The following CHD2 variants were observed in gnomAD, a reference collection of about 807,000 sequenced individuals.
The protein encoded by CHD2 is ATP-dependent chromatin remodeler CHD2.
In CHD2, 28 loss-of-function variants were observed where a neutral mutation model predicts 243.9. That is an observed-to-expected ratio of 0.11 (90% CI 0.09 to 0.16). CHD2 has a LOEUF of 0.16. Ranked by LOEUF, CHD2 falls within the 10% of genes least tolerant of loss-of-function variation. The pLI, the probability that CHD2 is intolerant of heterozygous loss-of-function variation, is 1.00. For missense variants in CHD2, 1,386 were observed against 2,209.8 expected, an observed-to-expected ratio of 0.63 and a Z score of 7.47; for synonymous variants, 775 against 779.0, an observed-to-expected ratio of 0.99 and a Z score of 0.09.
chr15:92,941,694 G>T, intron 7 of CHD2, 128 bp from the exon 8 acceptor site: 1 of 893,098 alleles, frequency 1.1e-6, no homozygotes, highest in Non-Finnish European at 1.7e-6. Flanking sequence ...ACTGTAAATG[G>T]CAGATCTATA....
Position 93,020,178 on chromosome 15 carries a change from C to A in CHD2, c.5073C>A (p.Pro1691=). Residue 1691 remains proline, a synonymous_variant, in exon 38 of 39, where the codon CCC becomes CCA. Coordinates refer to ENST00000394196, the MANE Select transcript of CHD2 (RefSeq NM_001271.4). ...MDAHRSGSYR[P]NNMSRKRPYD... is the part of the protein sequence containing the mutation. ...CCCACCGTTCCGGAAGCTATCGACCCAACAACATGTCCAGAAAGAGGCCTT... is the reference window on the plus strand; with the variant it reads ...CCCACCGTTCCGGAAGCTATCGACCAAACAACATGTCCAGAAAGAGGCCTT... The A allele has an allele frequency of 6.2e-7, 1 of 1,614,062 alleles. No homozygotes were observed. The highest frequency in any genetic ancestry group is 1.6e-4 in the Middle Eastern group (1 of 6,062).
chr15:92,952,511 T>C (rs1322973862), intron 13 of CHD2, among the ~76,000 whole-genome samples: 2 of 152,138 alleles, frequency 1.3e-5, no homozygotes, highest in Non-Finnish European at 2.9e-5. Flanking sequence ...AGGCATTAGG[T>C]TCTCATAAGG....
chr15:92,971,436 AATGT>A (rs749732999), intron 17 of CHD2, among the ~76,000 whole-genome samples: 66 of 152,170 alleles, frequency 4.3e-4, no homozygotes, highest in South Asian at 1.7e-3. Flanking sequence ...AAATATGTAA[AATGT>A]ATGTATGTAT....
At chr15:93,019,871 T>G (rs2054511017) in intron 37 of CHD2, 141 bp from the exon 38 acceptor site, 3 of 980,788 alleles carry the variant, frequency 3.1e-6, no homozygotes, top group Non-Finnish European at 4.4e-6. Context: ...AGATGGAGAT[T>G]GCAGTGATCT....
rs551311801 is a variant in CHD2, at chr15:92,952,083, C to A, written c.1503-1274C>A. Among the ~76,000 whole-genome samples, 12 of 152,288 alleles carry A rather than the reference C, an allele frequency of 7.9e-5. 1 individual carries two copies. The highest frequency in any genetic ancestry group is 1.9e-4 in the African/African-American group (8 of 41,566). ...ATAATGTTTGCAATCTGATGTCTTA[C>A]ATGTAATCCTAATTTCCTGCCAAAA... On this transcript the variant is annotated intron_variant, in intron 13 of 38. Transcript: ENST00000394196.
rs878958258 is a variant in CHD2, at chr15:92,985,861, A to G, written c.3413+188A>G. Among the ~76,000 whole-genome samples, 3 of 152,156 alleles carry G rather than the reference A, an allele frequency of 2.0e-5. No individual in the cohort carries two copies. The South Asian group carries it at 6.2e-4, about 32-fold the overall frequency. On this transcript the variant is annotated intron_variant, in intron 26 of 38. Coordinates refer to ENST00000394196, the MANE Select transcript of CHD2 (RefSeq NM_001271.4). Reference sequence around the variant, plus strand: ...TTCTCCAAGGTTTCTTTCTGTTGAGATCACTTTTATTTGTTGTTCATCTCT... The same window carrying G: ...TTCTCCAAGGTTTCTTTCTGTTGAGGTCACTTTTATTTGTTGTTCATCTCT...
chr15:92,965,564 CCAAAAAAAAAA>C (rs2053748373), intron 16 of CHD2, among the ~76,000 whole-genome samples: 1 of 33,824 alleles, frequency 3.0e-5, no homozygotes, highest in Non-Finnish European at 6.3e-5. Context: ...GACTCTTTCT[CCAAAAAAAAAA>C]AAAAAAAAAA....
intron 2 of CHD2, among the ~76,000 whole-genome samples, chr15:92,907,911 C>G (rs1596365456): frequency 6.6e-6 from 1 of 152,072 alleles, no homozygotes; most frequent in East Asian, 1.9e-4. Flanking sequence ...TTTGTTTAGG[C>G]CAGTTACAGG....
intron 8 of CHD2, 46 bp from the exon 9 acceptor site, chr15:92,942,797 T>A (rs1027559786): frequency 1.4e-6 from 2 of 1,440,252 alleles, no homozygotes; most frequent in African/African-American, 1.4e-5. Flanking sequence ...CTTTTTAATA[T>A]CTGGTGTAAT....
rs375006928 is a variant in CHD2, at chr15:92,972,232, A to G, written c.2353-33A>G. On this transcript the variant is annotated intron_variant, in intron 18 of 38. Coordinates refer to ENST00000394196, the MANE Select transcript of CHD2 (RefSeq NM_001271.4). ...AGGGAAGATTAAAATTTGTGTTTCA[A>G]CATAATTATTGGAATGTCTTTTAAA... 7.5e-6 allele frequency: 12 copies of G among 1,592,568 alleles called. No homozygotes were observed. In the African/African-American group the frequency reaches 1.4e-4, roughly 18 times the overall value.
rs892014201 is a variant in CHD2, at chr15:93,026,939, C to G, written c.*2234C>G. 6.6e-6 allele frequency: 1 copy of G among 152,588 alleles called. No individual in the cohort carries two copies. Among genetic ancestry groups the G allele is most frequent in the African/African-American group, 2.4e-5 (1 of 41,416 alleles). The allele number at this position is 152,588 out of a possible 1,614,324, so 9.5% of individuals were successfully genotyped here. ...TCATCAGGGCTTCTCTCTTGAGTTG[C>G]TGATAGGAGATGTGAGTTATGCCCA... On this transcript the variant is annotated 3_prime_UTR_variant, in exon 39 of 39. Transcript: ENST00000394196.
At chr15:92,974,053 C>T (rs998810759) in intron 19 of CHD2, 2 of 152,152 alleles carry the variant, frequency 1.3e-5, no homozygotes. Flanking sequence ...TTAGTTTTGC[C>T]TTCTGTAAAA....
rs1330231028 is a variant in CHD2 at position 92,900,773 on chromosome 15, A to AT, written c.-118dup. ...TATTTTTAATTATTTGGGATCTGATATTTTTCTACTAGTAGATAGGACTCT... is the reference window on the plus strand; with the variant it reads ...TATTTTTAATTATTTGGGATCTGATATTTTTTCTACTAGTAGATAGGACTCT... On this transcript the variant is annotated 5_prime_UTR_variant, in exon 1 of 39. Transcript: ENST00000394196. The AT allele has an allele frequency of 5.3e-5, 21 of 395,334 alleles. No individual in the cohort carries two copies. The highest frequency in any genetic ancestry group is 6.4e-4 in the Middle Eastern group (1 of 1,568). 24.5% of individuals were successfully genotyped at this position (395,334 alleles called of 1,614,324 possible).
In CHD2 at chr15:93,025,311, G is replaced by T. The variant is rs2054578288; in HGVS notation, c.*606G>T. 6.5e-6 allele frequency: 1 copy of T among 152,924 alleles called. No individual in the cohort carries two copies. The highest frequency in any genetic ancestry group is 6.5e-5 in the Admixed American group (1 of 15,288). The allele number at this position is 152,924 out of a possible 1,614,324, so 9.5% of individuals were successfully genotyped here. ...CGGCCTCATTATGTGAAACCTGTGG[G>T]TGGGGTTGGGGTGGAGAAGTAGAGA... On this transcript the variant is annotated 3_prime_UTR_variant, in exon 39 of 39. Transcript: ENST00000394196.
rs74568945 is a variant in CHD2 at position 92,955,353 on chromosome 15, A to G, written c.1720-70A>G. 4,853 of 870,100 alleles carry G rather than the reference A, an allele frequency of 5.6e-3. 197 individuals are homozygous for G. The African/African-American group carries it at 0.077, about 14-fold the overall frequency. The allele number at this position is 870,100 out of a possible 1,614,324, so 53.9% of individuals were successfully genotyped here. A position where few individuals can be genotyped will look rare whatever the true frequency, so the allele number is the denominator to read the frequency against. ...TATTTGGCATGTTTCTATTACATCA[A>G]TCACAAAACTTATGTGATATAGAAA... is the stretch of plus-strand genomic sequence containing the variant. On this transcript the variant is annotated intron_variant, in intron 14 of 38. Transcript: ENST00000394196.
intron 25 of CHD2, 86 bp from the exon 26 acceptor site, chr15:92,985,412 A>G (rs2054029823): frequency 2.2e-6 from 3 of 1,339,554 alleles, no homozygotes; most frequent in Non-Finnish European, 3.0e-6. Context: ...TCTGAATACT[A>G]AAGAATTAAG....
intron 2 of CHD2, among the ~76,000 whole-genome samples, chr15:92,917,006 C>T (rs2052851488): frequency 2.0e-5 from 3 of 152,152 alleles, no homozygotes; most frequent in Admixed American, 6.5e-5. Flanking sequence ...AGTTTATTGG[C>T]CATTTCAGTT....
chr15:92,993,587 G>T (rs1484155465), intron 28 of CHD2, among the ~76,000 whole-genome samples: 4 of 107,928 alleles, frequency 3.7e-5, no homozygotes, highest in Non-Finnish European at 8.3e-5. Context: ...GTATAGGAAT[G>T]CTTGTGAGGA....
chr15:92,993,931 C>T (rs572678192), intron 28 of CHD2, among the ~76,000 whole-genome samples: 3 of 152,152 alleles, frequency 2.0e-5, no homozygotes, highest in African/African-American at 7.2e-5. Context: ...GAGATCATGC[C>T]ACTGCACTTC....
Sources: allele counts gnomAD v4.1 joint callset (sites outside exome capture counted in the v4.1 genomes callset), GRCh38; gene constraint gnomAD v4.1.1; transcripts MANE v1.5; gene names NCBI Gene and HGNC (gene_info 2026-07-23, HGNC 2026-07-21).